NOS1: variants seen among roughly 807,000 people sequenced by gnomAD.
NOS1 encodes NOS type I.
Under a neutral mutation model 164.5 loss-of-function variants are expected in NOS1, and 51 were observed. That is an observed-to-expected ratio of 0.31 (90% CI 0.25 to 0.39). The LOEUF (loss-of-function observed/expected upper bound fraction) is 0.39. Ranked by LOEUF, NOS1 falls within the 10% of genes least tolerant of loss-of-function variation. NOS1 has a pLI of 1.00. For synonymous variants in NOS1, 719 were observed against 745.8 expected, an observed-to-expected ratio of 0.96 and a Z score of 0.59; for missense variants, 1,362 against 1,885.6, an observed-to-expected ratio of 0.72 and a Z score of 5.14.
chr12:117,280,148 TG>T (rs1873516683), intron 8 of NOS1, among the ~76,000 whole-genome samples: 1 of 152,188 alleles, frequency 6.6e-6, no homozygotes, highest in African/African-American at 2.4e-5. Context: ...GAAGGAACTC[TG>T]GGCAGGGAGA....
intron 26 of NOS1, among the ~76,000 whole-genome samples, chr12:117,221,440 C>T (rs532645365): frequency 1.2e-4 from 18 of 151,736 alleles, no homozygotes; most frequent in East Asian, 1.9e-4. Flanking sequence ...TGTGCCACCG[C>T]GCCCAGCTAA....
At chr12:117,299,885 C>A (rs1425766359) in intron 3 of NOS1, among the ~76,000 whole-genome samples, 1 of 151,896 alleles carries the variant, frequency 6.6e-6, no homozygotes, top group Non-Finnish European at 1.5e-5. Flanking sequence ...TGTTACTGGA[C>A]AACTTTCAGC....
rs565574097 is a variant in NOS1, at chr12:117,244,418, T to C, written c.2824-983A>G. 1.1e-4 allele frequency among the ~76,000 whole-genome samples: 17 copies of C among 152,060 alleles called. No homozygotes were observed. The South Asian group carries it at 3.1e-3, about 28-fold the overall frequency. On this transcript the variant is annotated intron_variant, in intron 18 of 28. Transcript: ENST00000317775. ...ATGTGCACCATGCCCAGCTAATTTT[T>C]AGTAGAGACAGGGTTTCGCCATGTT...
At chr12:117,327,087 C>G (rs1875289035) in intron 2 of NOS1, among the ~76,000 whole-genome samples, 1 of 152,186 alleles carries the variant, frequency 6.6e-6, no homozygotes, top group Non-Finnish European at 1.5e-5. Flanking sequence ...TGATACTCAC[C>G]CCTCCATGCC....
intron 10 of NOS1, 37 bp from the exon 11 acceptor site, chr12:117,268,181 G>T: frequency 7.1e-7 from 1 of 1,415,414 alleles, no homozygotes; most frequent in Non-Finnish European, 1.0e-6. Flanking sequence ...ACAGGCTGGG[G>T]TATCTCTGGA....
At chr12:117,277,739 T>A (rs910714113) in intron 9 of NOS1, among the ~76,000 whole-genome samples, 1 of 152,144 alleles carries the variant, frequency 6.6e-6, no homozygotes, top group African/African-American at 2.4e-5. Context: ...GTGAGATGAT[T>A]CAGAAAAGGT....
intron 7 of NOS1, 141 bp downstream of exon 7, chr12:117,285,100 G>A (rs1055691891): frequency 2.7e-5 from 9 of 336,160 alleles, no homozygotes; most frequent in African/African-American, 2.0e-4. Flanking sequence ...AAAAAAAGAT[G>A]CCAGGACACC....
chr12:117,231,327 A>T (rs1334568180), intron 22 of NOS1, among the ~76,000 whole-genome samples: 2 of 152,054 alleles, frequency 1.3e-5, no homozygotes, highest in Admixed American at 6.6e-5. Context: ...CAGAGAAAAA[A>T]AAAAAGAATA....
chr12:117,264,983 G>A (rs1872270890), intron 12 of NOS1, among the ~76,000 whole-genome samples: 1 of 151,432 alleles, frequency 6.6e-6, no homozygotes, highest in Non-Finnish European at 1.5e-5. Context: ...GATCACAGGT[G>A]TGACCCACCA....
rs375468360 is a variant in NOS1, at chr12:117,318,056, C to T, written c.726-6464G>A. On this transcript the variant is annotated intron_variant, in intron 2 of 28. Coordinates refer to ENST00000317775, the MANE Select transcript of NOS1 (RefSeq NM_000620.5). ...GCGTGGTGGCACCTGCCTATAGTCC[C>T]AACTACTGGGGAGGCTGAGGCAGGA... Among the ~76,000 whole-genome samples the T allele has an allele frequency of 7.9e-5, 12 of 152,254 alleles. No individual in the cohort carries two copies. The South Asian group carries it at 2.5e-3, about 32-fold the overall frequency.
At chr12:117,300,603 C>G (rs1203426652) in intron 3 of NOS1, among the ~76,000 whole-genome samples, 2 of 152,044 alleles carry the variant, frequency 1.3e-5, no homozygotes, top group Non-Finnish European at 2.9e-5. Flanking sequence ...CAGTATACAT[C>G]CCTAGAAAGC....
At chr12:117,360,527 A>G (rs1466437334) in intron 1 of NOS1, among the ~76,000 whole-genome samples, 2 of 152,204 alleles carry the variant, frequency 1.3e-5, no homozygotes, top group African/African-American at 4.8e-5. Flanking sequence ...CGGCGCTCTT[A>G]CACCCCAATC....
chr12:117,249,102 T>C (rs1870886040), intron 17 of NOS1, among the ~76,000 whole-genome samples: 1 of 152,232 alleles, frequency 6.6e-6, no homozygotes, highest in Non-Finnish European at 1.5e-5. Flanking sequence ...ATTAGCCCTT[T>C]GTCAGATAAG....
intron 3 of NOS1, among the ~76,000 whole-genome samples, chr12:117,297,773 A>G (rs1873525387): frequency 6.6e-6 from 1 of 152,112 alleles, no homozygotes; most frequent in Non-Finnish European, 1.5e-5. Flanking sequence ...TTTAGGCAAG[A>G]AGACAGAAAC....
chr12:117,308,954 T>C (rs1566070097), intron 3 of NOS1, among the ~76,000 whole-genome samples: 1 of 152,142 alleles, frequency 6.6e-6, no homozygotes, highest in Non-Finnish European at 1.5e-5. Flanking sequence ...ATTTGAAACA[T>C]TGGCAATACA....
At chr12:117,333,546 G>A (rs560433938) in intron 1 of NOS1, among the ~76,000 whole-genome samples, 2 of 152,256 alleles carry the variant, frequency 1.3e-5, no homozygotes, top group Admixed American at 6.5e-5. Flanking sequence ...GGTGTGTGGG[G>A]GGGATAATTA....
At chr12:117,215,809 T>C (rs1455422647) in intron 28 of NOS1, among the ~76,000 whole-genome samples, 1 of 150,528 alleles carries the variant, frequency 6.6e-6, no homozygotes, top group Non-Finnish European at 1.5e-5. Flanking sequence ...TTTGAAAGAA[T>C]GAATGAATGA....
intron 1 of NOS1, chr12:117,348,516 T>TAA (rs1174045534): frequency 3.3e-5 from 5 of 152,220 alleles, no homozygotes; most frequent in African/African-American, 9.6e-5. Context: ...ACCATACCTG[T>TAA]GTCTCACCTA....
At position 117,211,836 on chromosome 12, in the gene NOS1, G is replaced by A. The variant is rs2135909953; in HGVS notation, c.*3473C>T. The A allele has an allele frequency of 1.0e-6, 1 of 970,678 alleles. No homozygotes were observed. Among genetic ancestry groups the A allele is most frequent in the East Asian group, 1.1e-4 (1 of 8,730 alleles). 60.1% of individuals were successfully genotyped at this position (970,678 alleles called of 1,614,324 possible). A position where few individuals can be genotyped will look rare whatever the true frequency, so the allele number is the denominator to read the frequency against. On this transcript the variant is annotated 3_prime_UTR_variant, in exon 29 of 29. Coordinates refer to ENST00000317775, the MANE Select transcript of NOS1 (RefSeq NM_000620.5). ...ATCCAGCACTTTGGGAGGCTGAGGT[G>A]CGTGGATCATTTGAGGTCAGGAATT...
Sources: gnomAD v4.1 joint callset for allele counts (sites outside exome capture counted in the v4.1 genomes callset) on GRCh38, gnomAD v4.1.1 for gene constraint, MANE v1.5 for transcripts, NCBI Gene and HGNC (gene_info 2026-07-23, HGNC 2026-07-21) for gene names.